Variants in CDH13 observed in about 807,000 individuals in gnomAD.
CDH13 encodes the protein cadherin 13.
A neutral mutation model predicts 63.8 loss-of-function variants in CDH13; 24 were observed. The observed-to-expected ratio is 0.38, with a 90% confidence interval of 0.27 to 0.53. The LOEUF is 0.53. Among genes scored for constraint, CDH13 ranks in the 20% least tolerant of loss-of-function variants. The probability of loss-of-function intolerance (pLI) is 0.85; values close to 1 mark genes in which losing one functional copy is unlikely to be tolerated. For missense variants in CDH13, 1,049 were observed against 903.1 expected (o/e 1.16, Z -2.07); for synonymous variants, 503 against 355.3 (o/e 1.42, Z -4.67).
At chr16:83,040,706 A>T (rs1334942325) in intron 3 of CDH13, among the ~76,000 whole-genome samples, 1 of 152,188 alleles carries the variant, frequency 6.6e-6, no homozygotes, top group Non-Finnish European at 1.5e-5. Context: ...CCTCACAGAA[A>T]CACCGGGGAA....
chr16:83,602,615 C>G (rs749576445), intron 8 of CDH13, 21 bp downstream of exon 8: 1 of 1,613,088 alleles, frequency 6.2e-7, no homozygotes, highest in Non-Finnish European at 8.5e-7. Context: ...GTGCCAAACA[C>G]CAACCACCAC....
chr16:83,292,009 T>C (rs976566773), intron 5 of CDH13, among the ~76,000 whole-genome samples: 5 of 152,192 alleles, frequency 3.3e-5, no homozygotes, highest in Non-Finnish European at 7.3e-5. Context: ...GAGAGTTAAT[T>C]TGTAATGTCC....
chr16:82,775,790 T>C (rs1276477129), intron 1 of CDH13, among the ~76,000 whole-genome samples: 4 of 152,172 alleles, frequency 2.6e-5, no homozygotes, highest in African/African-American at 9.7e-5. Context: ...TGCAAAAATA[T>C]TAATTTGCCT....
chr16:83,608,345 G>A (rs1442340321), intron 8 of CDH13, among the ~76,000 whole-genome samples: 3 of 152,230 alleles, frequency 2.0e-5, no homozygotes, highest in Non-Finnish European at 4.4e-5. Context: ...CTGTCAAGCT[G>A]CAAGTGAGCC....
intron 3 of CDH13, among the ~76,000 whole-genome samples, chr16:83,066,095 T>A (rs551663340): frequency 1.3e-5 from 2 of 152,234 alleles, no homozygotes; most frequent in Non-Finnish European, 2.9e-5. Flanking sequence ...GAAATCAGGA[T>A]GTAATACGAT....
At chr16:83,101,591 C>G (rs942871000) in intron 3 of CDH13, among the ~76,000 whole-genome samples, 1 of 152,000 alleles carries the variant, frequency 6.6e-6, no homozygotes, top group African/African-American at 2.4e-5. Flanking sequence ...GTCAGGAGTT[C>G]GAGACCAGCC....
intron 5 of CDH13, among the ~76,000 whole-genome samples, chr16:83,280,269 C>G (rs920940563): frequency 6.6e-6 from 1 of 152,180 alleles, no homozygotes; most frequent in African/African-American, 2.4e-5. Flanking sequence ...CTGTAATATT[C>G]TAAACTCTTT....
chr16:83,795,321 G>A lies in CDH13; in HGVS notation c.*291G>A. ...GCAGGAACAATGACTACTTTTTCTG[G>A]TGTGTTAACATGTCGCTAGCCAGTG... On this transcript the variant is annotated 3_prime_UTR_variant, in exon 14 of 14. Coordinates refer to ENST00000567109, the MANE Select transcript of CDH13 (RefSeq NM_001257.5). The A allele has an allele frequency of 2.4e-6, 1 of 423,688 alleles. No individual in the cohort carries two copies. Among genetic ancestry groups the A allele is most frequent in the Non-Finnish European group, 4.3e-6 (1 of 234,346 alleles). 26.2% of individuals were successfully genotyped at this position (423,688 alleles called of 1,614,324 possible). A position where few individuals can be genotyped will look rare whatever the true frequency, so the allele number is the denominator to read the frequency against.
intron 5 of CDH13, among the ~76,000 whole-genome samples, chr16:83,232,005 G>A (rs1255643592): frequency 6.6e-6 from 1 of 151,844 alleles, no homozygotes; most frequent in Admixed American, 6.6e-5. Context: ...CTTATAAGTG[G>A]GAGCTAAACA....
At chr16:83,526,508 T>C (rs8056970) in intron 7 of CDH13, among the ~76,000 whole-genome samples, 57,261 of 151,998 alleles carry the variant, frequency 0.38, 12,340 homozygotes, top group Non-Finnish European at 0.48. Context: ...GGTTTTGCAC[T>C]CCTATCAGGA....
At chr16:83,221,233 T>G (rs1000990494) in intron 5 of CDH13, among the ~76,000 whole-genome samples, 1 of 152,094 alleles carries the variant, frequency 6.6e-6, no homozygotes, top group Admixed American at 6.6e-5. Flanking sequence ...GGGAAGGGAG[T>G]TTGGCTGGCT....
intron 10 of CDH13, among the ~76,000 whole-genome samples, chr16:83,685,982 A>G (rs549982252): frequency 2.0e-5 from 3 of 152,324 alleles, no homozygotes; most frequent in Non-Finnish European, 2.9e-5. Context: ...GTAGAACTTT[A>G]CCAAAAGCAC....
chr16:82,757,906 C>T (rs1240441621), intron 1 of CDH13, among the ~76,000 whole-genome samples: 2 of 152,174 alleles, frequency 1.3e-5, no homozygotes, highest in Admixed American at 1.3e-4. Context: ...GCCTCGGCCT[C>T]CCAAAGTGCT....
chr16:82,816,047 C>G (rs1461879127), intron 1 of CDH13, among the ~76,000 whole-genome samples: 1 of 152,092 alleles, frequency 6.6e-6, no homozygotes, highest in East Asian at 1.9e-4. Context: ...ACATTGTTGT[C>G]AGAAACAGGC....
chr16:83,569,077 C>T (rs558981872), intron 7 of CDH13, among the ~76,000 whole-genome samples: 8 of 152,248 alleles, frequency 5.3e-5, no homozygotes, highest in Admixed American at 5.2e-4. Flanking sequence ...TCCTTTCCCT[C>T]CTTCTGAACA....
At chr16:82,973,816 T>C (rs1909113918) in intron 2 of CDH13, among the ~76,000 whole-genome samples, 2 of 152,260 alleles carry the variant, frequency 1.3e-5, no homozygotes, top group African/African-American at 4.8e-5. Context: ...ACAGTAGTCA[T>C]ACAAAATGCA....
At chr16:83,506,439 C>CAA (rs2074397483) in intron 7 of CDH13, among the ~76,000 whole-genome samples, 1 of 152,210 alleles carries the variant, frequency 6.6e-6, no homozygotes, top group African/African-American at 2.4e-5. Flanking sequence ...CTCCTTGATC[C>CAA]AAACTACAGT....
intron 3 of CDH13, among the ~76,000 whole-genome samples, chr16:83,118,514 G>T (rs973537813): frequency 6.6e-6 from 1 of 152,182 alleles, no homozygotes; most frequent in African/African-American, 2.4e-5. Context: ...GTCTACATGT[G>T]TCTGTGTTTC....
At chr16:83,463,919 G>T (rs376384447) in intron 6 of CDH13, among the ~76,000 whole-genome samples, 1 of 152,176 alleles carries the variant, frequency 6.6e-6, no homozygotes, top group Non-Finnish European at 1.5e-5. Flanking sequence ...CTTCTGTGTG[G>T]CCAGAAGGAG....
Sources: allele counts gnomAD v4.1 joint callset (sites outside exome capture counted in the v4.1 genomes callset), GRCh38; gene constraint gnomAD v4.1.1; transcripts MANE v1.5; gene names NCBI Gene and HGNC (gene_info 2026-07-23, HGNC 2026-07-21).